Variants in TARP observed in about 807,000 individuals in gnomAD.
At chr7:38,267,669 G>C in the TARP span, among the ~76,000 whole-genome samples, 1 of 150,272 alleles carries the variant, frequency 6.7e-6, no homozygotes, top group Admixed American at 6.7e-5. Context: ...TATTTTACTT[G>C]TTATACTTGT....
At chr7:38,266,153 C>T in the TARP span, among the ~76,000 whole-genome samples, 9 of 151,810 alleles carry the variant, frequency 5.9e-5, no homozygotes, top group African/African-American at 2.2e-4. Flanking sequence ...TTTCCCACTT[C>T]CCTTTTCCAT....
chr7:38,272,437 C>T, the TARP span, among the ~76,000 whole-genome samples: 1 of 144,530 alleles, frequency 6.9e-6, no homozygotes, highest in Non-Finnish European at 1.5e-5. Context: ...ATATTAAGGA[C>T]ATTTGAAAAG....
At chr7:38,264,624 A>C in the TARP span, among the ~76,000 whole-genome samples, 1 of 151,354 alleles carries the variant, frequency 6.6e-6, no homozygotes, top group Non-Finnish European at 1.5e-5. Flanking sequence ...TTTAGAATTT[A>C]GTGTAAAGGA....
the TARP span, among the ~76,000 whole-genome samples, chr7:38,271,958 C>A: frequency 6.6e-6 from 1 of 150,454 alleles, no homozygotes; most frequent in Admixed American, 6.7e-5. Context: ...TACCTGTAGC[C>A]CTATAAATTT....
the TARP span, chr7:38,273,535 C>T: frequency 7.1e-7 from 1 of 1,400,814 alleles, no homozygotes; most frequent in Non-Finnish European, 1.0e-6. Context: ...CCAGCTCCTG[C>T]CTGCCAGCCT....
the TARP span, among the ~76,000 whole-genome samples, chr7:38,269,144 A>G: frequency 4.6e-5 from 7 of 151,886 alleles, no homozygotes; most frequent in Admixed American, 6.6e-5. Context: ...GTCTTTGACC[A>G]TCAGAGATGA....
At chr7:38,266,113 A>T in the TARP span, among the ~76,000 whole-genome samples, 1 of 151,276 alleles carries the variant, frequency 6.6e-6, no homozygotes, top group Admixed American at 6.6e-5. Context: ...AACCTTAATG[A>T]TCTCTCTACA....
At chr7:38,271,877 A>C in the TARP span, among the ~76,000 whole-genome samples, 1 of 151,380 alleles carries the variant, frequency 6.6e-6, no homozygotes, top group Non-Finnish European at 1.5e-5. Context: ...ATTGATATTG[A>C]TATAATTTTT....
chr7:38,261,912 G>T, the TARP span, among the ~76,000 whole-genome samples: 1 of 149,426 alleles, frequency 6.7e-6, no homozygotes. Flanking sequence ...AAAGACACAT[G>T]AATGAATAAA....
the TARP span, among the ~76,000 whole-genome samples, chr7:38,270,094 C>CCTG: frequency 6.6e-6 from 1 of 151,746 alleles, no homozygotes; most frequent in Non-Finnish European, 1.5e-5. Flanking sequence ...AGGGGAAGAC[C>CCTG]CTGCCTCAAA....
the TARP span, chr7:38,262,165 G>C: frequency 6.2e-7 from 1 of 1,610,730 alleles, no homozygotes; most frequent in Admixed American, 1.7e-5. Flanking sequence ...AAACACAAAA[G>C]CTTACCATTT....
At chr7:38,262,062 TA>T in the TARP span, 1 of 879,840 alleles carries the variant, frequency 1.1e-6, no homozygotes, top group African/African-American at 1.7e-5. Flanking sequence ...AAAATATCAC[TA>T]GGTCCATTCT....
the TARP span, among the ~76,000 whole-genome samples, chr7:38,263,076 T>G: frequency 6.6e-6 from 1 of 151,540 alleles, no homozygotes; most frequent in African/African-American, 2.4e-5. Context: ...ATCATGCATA[T>G]CCCCAATGTC....
At chr7:38,261,698 C>G in the TARP span, among the ~76,000 whole-genome samples, 2 of 150,630 alleles carry the variant, frequency 1.3e-5, no homozygotes, top group Non-Finnish European at 3.0e-5. Context: ...ATGGTGAAAC[C>G]CCAACTCTAC....
the TARP span, chr7:38,260,279 C>T: frequency 2.4e-5 from 25 of 1,061,984 alleles, 4 homozygotes; most frequent in African/African-American, 6.9e-5. Context: ...TACATTAATG[C>T]GAGAGGGGTT....
the TARP span, among the ~76,000 whole-genome samples, chr7:38,266,845 CA>C: frequency 1.3e-5 from 2 of 151,756 alleles, no homozygotes; most frequent in Non-Finnish European, 2.9e-5. Flanking sequence ...AATTTAGAAA[CA>C]AAATGGCAAC....
At chr7:38,261,062 G>T in the TARP span, among the ~76,000 whole-genome samples, 2 of 151,794 alleles carry the variant, frequency 1.3e-5, no homozygotes, top group African/African-American at 2.4e-5. Flanking sequence ...CTGTGAATCT[G>T]GTGTAATTAT....
chr7:38,270,919 G>T, the TARP span, among the ~76,000 whole-genome samples: 1 of 151,054 alleles, frequency 6.6e-6, no homozygotes, highest in African/African-American at 2.4e-5. Flanking sequence ...TTCCAATCTA[G>T]TAATAGAAAA....
the TARP span, among the ~76,000 whole-genome samples, chr7:38,264,252 A>G: frequency 6.6e-6 from 1 of 151,994 alleles, no homozygotes; most frequent in Non-Finnish European, 1.5e-5. Context: ...TGACATTAAG[A>G]GAAGTGTCCT....
Sources: gnomAD v4.1 joint callset for allele counts (sites outside exome capture counted in the v4.1 genomes callset) on GRCh38, gnomAD v4.1.1 for gene constraint, MANE v1.5 for transcripts.